Variants in SDK2 observed in about 807,000 individuals in gnomAD.
The protein encoded by SDK2 is sidekick cell adhesion molecule 2.
In SDK2, 105 loss-of-function variants were observed where a neutral mutation model predicts 253.9. The observed-to-expected ratio is 0.41, with a 90% CI of 0.35 to 0.49. The LOEUF (loss-of-function observed/expected upper bound fraction) is 0.49. SDK2 is among the 20% of genes least tolerant of loss of function. The pLI, the probability that SDK2 is intolerant of heterozygous loss-of-function variation, is 0.06. For synonymous variants in SDK2, 1,249 were observed against 1,234.9 expected (o/e 1.01, Z -0.24); for missense variants, 2,608 against 3,003.0 (o/e 0.87, Z 3.07).
In SDK2 at chr17:73,388,053, G is replaced by T. The variant is rs530048377; in HGVS notation, c.4193-16C>A. On this transcript the variant is annotated splice_polypyrimidine_tract_variant and intron_variant, in intron 29 of 44. Transcript: ENST00000392650. The stretch of plus-strand genomic sequence containing the variant: ...TGCGGACGGTCTGGGAGGTGGCAGA[G>T]GGGGAGGAGCAGGTGAGTGGGCCAG... 1.0e-5 allele frequency: 16 copies of T among 1,555,362 alleles called. No individual in the cohort carries two copies. The highest frequency in any genetic ancestry group is 1.4e-5 in the Non-Finnish European group (16 of 1,150,920).
At chr17:73,537,660 G>A (rs2044800317) in intron 1 of SDK2, among the ~76,000 whole-genome samples, 1 of 152,052 alleles carries the variant, frequency 6.6e-6, no homozygotes, top group African/African-American at 2.4e-5. Flanking sequence ...TGCCCAGCCT[G>A]GGATGTAGGA....
At chr17:73,411,988 A>G (rs1409634487) in intron 18 of SDK2, among the ~76,000 whole-genome samples, 3 of 140,932 alleles carry the variant, frequency 2.1e-5, no homozygotes, top group African/African-American at 7.9e-5. Context: ...ATATCTACGT[A>G]TATATATACA....
rs1490628708 is a variant in SDK2, at chr17:73,338,811, C to T, written c.6295G>A (p.Ala2099Thr). 8.1e-6 allele frequency: 13 copies of T among 1,613,932 alleles called. No homozygotes were observed. Among genetic ancestry groups the T allele is most frequent in the Non-Finnish European group, 1.0e-5 (12 of 1,179,892 alleles). ...RQQKGISRAQ[A>T]YSYTESDSGE... is the part of the protein sequence containing the mutation. ...GAGTCGCTCTCCGTGTAGCTGTAGG[C>T]CTGTGCCCTCGAGATGCCCTTCTGC... The change falls in exon 45 of 45, where the codon GCC (alanine) becomes ACC (threonine). Residue 2099 changes from alanine to threonine, a missense_variant. Transcript: ENST00000392650. The surrounding 1 kb of genome is among the most constrained non-coding windows in gnomAD (Gnocchi z 5.0).
intron 1 of SDK2, among the ~76,000 whole-genome samples, chr17:73,630,864 C>T (rs2046260058): frequency 6.6e-6 from 1 of 151,990 alleles, no homozygotes; most frequent in Admixed American, 6.6e-5. Flanking sequence ...AGGCTGGCAA[C>T]CCCTCAGCAC....
intron 40 of SDK2, among the ~76,000 whole-genome samples, chr17:73,357,092 G>C (rs1468517774): frequency 1.3e-5 from 2 of 152,206 alleles, no homozygotes; most frequent in African/African-American, 2.4e-5. Context: ...TGCATCCTCC[G>C]GCCACACAGC....
chr17:73,525,382 G>C (rs2064117340), intron 1 of SDK2, among the ~76,000 whole-genome samples: 1 of 152,182 alleles, frequency 6.6e-6, no homozygotes, highest in African/African-American at 2.4e-5. Flanking sequence ...AGCCAGCAAG[G>C]GAAAGGGAGA....
At position 73,361,892 on chromosome 17, in the gene SDK2, G is replaced by A; in HGVS notation, c.5306-47C>T. The A allele has an allele frequency of 6.6e-7, 1 of 1,517,142 alleles. No homozygotes were observed. The allele number at this position is 1,517,142 out of a possible 1,614,324, so 94.0% of individuals were successfully genotyped here. On this transcript the variant is annotated intron_variant, in intron 38 of 44. Transcript: ENST00000392650. The surrounding 1 kb of genome is among the most constrained non-coding windows in gnomAD (Gnocchi z 4.1). ...GGGACTGGGCACAGGGCCCACCGAG[G>A]GCACTGGAGGCCATGGGGAAGGGGA...
chr17:73,398,213 G>A, intron 23 of SDK2, 28 bp from the exon 24 acceptor site: 1 of 1,603,102 alleles, frequency 6.2e-7, no homozygotes, highest in South Asian at 1.1e-5. Flanking sequence ...TGAGCAAGAT[G>A]GTAAGGGCAG....
chr17:73,469,988 GCGCGCA>G (rs72451018), intron 3 of SDK2, among the ~76,000 whole-genome samples: 3,388 of 112,188 alleles, frequency 0.03, 50 homozygotes, highest in Non-Finnish European at 0.041. Flanking sequence ...GACTGCGCGC[GCGCGCA>G]CACACACACA....
rs2063329211 is a variant in SDK2, at chr17:73,431,909, CCT to C, written c.1313-242_1313-241del. ...AGCGGGCAGCCTAGAGCCCAGGTCC[CCT>C]GATGCTCCTGTGCCCGCCACACCAC... On this transcript the variant is annotated intron_variant, in intron 10 of 44. Transcript: ENST00000392650. This position sits in a 1 kb window ranked among gnomAD's most constrained non-coding sequence, Gnocchi z 5.6. Among the ~76,000 whole-genome samples the C allele has an allele frequency of 6.6e-6, 1 of 152,118 alleles. No homozygotes were observed. Among genetic ancestry groups the C allele is most frequent in the Non-Finnish European group, 1.5e-5 (1 of 67,992 alleles).
intron 1 of SDK2, among the ~76,000 whole-genome samples, chr17:73,568,611 C>T (rs558936505): frequency 6.6e-6 from 1 of 152,212 alleles, no homozygotes; most frequent in South Asian, 2.1e-4. Flanking sequence ...AAGCCCAGAG[C>T]CTCAGACTGG....
chr17:73,386,006 A>G, intron 31 of SDK2, 89 bp from the exon 32 acceptor site: 1 of 933,944 alleles, frequency 1.1e-6, no homozygotes, highest in Middle Eastern at 2.3e-4. Flanking sequence ...CTAATACTGG[A>G]CTGCGGGGCA....
At chr17:73,633,398 C>A (rs1413491786) in intron 1 of SDK2, among the ~76,000 whole-genome samples, 1 of 152,246 alleles carries the variant, frequency 6.6e-6, no homozygotes, top group Non-Finnish European at 1.5e-5. Context: ...GTCCACCCTC[C>A]TTACCATGAG....
chr17:73,385,742 G>C (rs1872903296), intron 32 of SDK2, 105 bp downstream of exon 32: 2 of 1,057,452 alleles, frequency 1.9e-6, no homozygotes, highest in Admixed American at 2.0e-5. Flanking sequence ...TGGGGGCAGA[G>C]AACTTGGGGG....
chr17:73,619,037 C>T (rs1437650159), intron 1 of SDK2, among the ~76,000 whole-genome samples: 3 of 151,868 alleles, frequency 2.0e-5, no homozygotes, highest in Non-Finnish European at 4.4e-5. Context: ...TGTGGTGGTG[C>T]GTGCCTGTAA....
Position 73,571,758 on chromosome 17 carries a change from C to T in SDK2, c.65-64161G>A, listed in dbSNP as rs552494140. Reference sequence around the variant, plus strand: ...AGGAAAGGTGAGCCCGGCTGGGGCCCGGCCAGCGCCCTGCCCTCCCCTGCC... The same window carrying T: ...AGGAAAGGTGAGCCCGGCTGGGGCCTGGCCAGCGCCCTGCCCTCCCCTGCC... On this transcript the variant is annotated intron_variant, in intron 1 of 44. Coordinates refer to ENST00000392650, the MANE Select transcript of SDK2 (RefSeq NM_001144952.2). 9.2e-5 allele frequency among the ~76,000 whole-genome samples: 14 copies of T among 152,306 alleles called. No individual in the cohort carries two copies. The East Asian group carries it at 1.7e-3, about 19-fold the overall frequency.
chr17:73,632,558 C>A (rs1329955029), intron 1 of SDK2, among the ~76,000 whole-genome samples: 1 of 152,208 alleles, frequency 6.6e-6, no homozygotes, highest in Non-Finnish European at 1.5e-5. Context: ...GACTGACCTC[C>A]TTGCTCCTCA....
intron 36 of SDK2, among the ~76,000 whole-genome samples, chr17:73,370,821 G>C (rs2062728684): frequency 6.6e-6 from 1 of 151,962 alleles, no homozygotes; most frequent in Admixed American, 6.6e-5. Context: ...CCTAGCACTT[G>C]GGAAGCTGAG....
intron 1 of SDK2, among the ~76,000 whole-genome samples, chr17:73,590,638 C>A (rs1286031870): frequency 6.6e-6 from 1 of 152,204 alleles, no homozygotes; most frequent in Non-Finnish European, 1.5e-5. Flanking sequence ...GGAATCTGGG[C>A]ATGGCCAACC....
Sources: allele counts gnomAD v4.1 joint callset (sites outside exome capture counted in the v4.1 genomes callset), GRCh38; gene constraint gnomAD v4.1.1; non-coding constraint Gnocchi (gnomAD v3.1); transcripts MANE v1.5; gene names NCBI Gene and HGNC (gene_info 2026-07-23, HGNC 2026-07-21).